The following DLG2 variants were observed in gnomAD, a reference collection of about 807,000 sequenced individuals.
DLG2 encodes discs large MAGUK scaffold protein 2, also known as disks large homolog 2.
DLG2 carries 45 observed loss-of-function variants against 132.5 expected under a neutral mutation model. The ratio of observed to expected loss-of-function variants is 0.34; its 90% CI spans 0.27 to 0.44. DLG2 has a LOEUF of 0.44. Among genes scored for constraint, DLG2 ranks in the 20% least tolerant of loss-of-function variants. The pLI is 1.00. For missense variants in DLG2, 1,045 were observed against 1,196.9 expected, an observed-to-expected ratio of 0.87 and a Z score of 1.87; for synonymous variants, 424 against 419.6, an observed-to-expected ratio of 1.01 and a Z score of -0.13.
intron 3 of DLG2, among the ~76,000 whole-genome samples, chr11:85,476,317 GC>G (rs2093140238): frequency 6.6e-6 from 1 of 150,830 alleles, no homozygotes; most frequent in Non-Finnish European, 1.5e-5. Context: ...TCTGGAAGTT[GC>G]TCTGGGTGAG....
At chr11:85,534,649 C>T (rs1489682426) in intron 3 of DLG2, among the ~76,000 whole-genome samples, 1 of 152,166 alleles carries the variant, frequency 6.6e-6, no homozygotes, top group Non-Finnish European at 1.5e-5. Flanking sequence ...CCTCCAGCTG[C>T]ATCCATGTTG....
intron 6 of DLG2, among the ~76,000 whole-genome samples, chr11:85,070,016 A>C (rs1163753434): frequency 6.6e-6 from 1 of 152,122 alleles, no homozygotes; most frequent in East Asian, 1.9e-4. Context: ...ACATGGATGA[A>C]GCTGGAAACC....
At chr11:84,270,366 T>C (rs2097704462) in intron 7 of DLG2, among the ~76,000 whole-genome samples, 1 of 152,214 alleles carries the variant, frequency 6.6e-6, no homozygotes, top group Non-Finnish European at 1.5e-5. Flanking sequence ...AGATTTTATT[T>C]ACATCTTGTT....
chr11:83,906,095 A>C (rs1324942986), intron 15 of DLG2, among the ~76,000 whole-genome samples: 4 of 88,830 alleles, frequency 4.5e-5, no homozygotes, highest in African/African-American at 2.3e-4. Context: ...ATATATATAT[A>C]TATATATATA....
At chr11:85,402,294 G>A (rs2088216420) in intron 3 of DLG2, among the ~76,000 whole-genome samples, 1 of 152,178 alleles carries the variant, frequency 6.6e-6, no homozygotes, top group South Asian at 2.1e-4. Context: ...GCCATGTGTA[G>A]AAAGCTGAAA....
intron 8 of DLG2, among the ~76,000 whole-genome samples, chr11:84,204,696 A>G (rs763719021): frequency 2.0e-5 from 3 of 152,160 alleles, no homozygotes; most frequent in Admixed American, 6.5e-5. Context: ...CCATTGATAT[A>G]CTTTTTAATT....
chr11:85,462,192 C>T (rs1042604306), intron 3 of DLG2, among the ~76,000 whole-genome samples: 1 of 152,224 alleles, frequency 6.6e-6, no homozygotes, highest in Admixed American at 6.5e-5. Context: ...AACACTTCTA[C>T]ACTGTTGGTG....
At chr11:84,115,915 C>T (rs562202786) in intron 9 of DLG2, among the ~76,000 whole-genome samples, 4 of 152,294 alleles carry the variant, frequency 2.6e-5, no homozygotes, top group African/African-American at 4.8e-5. Flanking sequence ...ACTGTATTCT[C>T]GTTTCTAGAA....
chr11:84,691,281 T>A (rs1249629827), intron 6 of DLG2, among the ~76,000 whole-genome samples: 3 of 151,866 alleles, frequency 2.0e-5, no homozygotes, highest in Non-Finnish European at 4.4e-5. Context: ...CCGGAGGTAG[T>A]GATCTATACC....
chr11:85,472,682 A>C (rs286519), intron 3 of DLG2, among the ~76,000 whole-genome samples: 149,859 of 152,298 alleles, frequency 0.98, 73,734 homozygotes, highest in East Asian at 1. Flanking sequence ...AAATGTGGGA[A>C]AAGAATCTGG....
chr11:85,257,036 G>A (rs576791588), intron 4 of DLG2, among the ~76,000 whole-genome samples: 3 of 152,250 alleles, frequency 2.0e-5, no homozygotes, highest in Middle Eastern at 3.4e-3. Context: ...GTACATGTGA[G>A]CTAAATGTAG....
chr11:85,285,107 T>G, intron 4 of DLG2, 113 bp downstream of exon 4: 1 of 950,420 alleles, frequency 1.1e-6, no homozygotes, highest in Non-Finnish European at 1.6e-6. Flanking sequence ...TATAACTACA[T>G]TTCTATTATT....
intron 7 of DLG2, among the ~76,000 whole-genome samples, chr11:84,507,742 G>C (rs2099245652): frequency 6.6e-6 from 1 of 152,112 alleles, no homozygotes; most frequent in African/African-American, 2.4e-5. Flanking sequence ...TAAGCTTTTT[G>C]CATTTAATTC....
At chr11:84,945,087 A>C (rs954092435) in intron 6 of DLG2, among the ~76,000 whole-genome samples, 3 of 152,160 alleles carry the variant, frequency 2.0e-5, no homozygotes, top group African/African-American at 4.8e-5. Context: ...GATGGTCTTA[A>C]TGCTAGTGGA....
At chr11:85,183,929 G>C (rs2079909228) in intron 4 of DLG2, among the ~76,000 whole-genome samples, 1 of 151,892 alleles carries the variant, frequency 6.6e-6, no homozygotes, top group African/African-American at 2.4e-5. Flanking sequence ...CACTCTATTT[G>C]AATATGTTAT....
At chr11:83,730,788 G>C (rs1458221009) in intron 18 of DLG2, among the ~76,000 whole-genome samples, 1 of 152,142 alleles carries the variant, frequency 6.6e-6, no homozygotes, top group Admixed American at 6.5e-5. Context: ...TACATAAGCT[G>C]AATTTCAAAG....
At chr11:85,621,719 G>A (rs773241872) in intron 2 of DLG2, among the ~76,000 whole-genome samples, 2 of 152,238 alleles carry the variant, frequency 1.3e-5, no homozygotes, top group African/African-American at 2.4e-5. Flanking sequence ...AAACTGGAAT[G>A]AATGAGGAGT....
chr11:85,468,970 G>A (rs931347890), intron 3 of DLG2, among the ~76,000 whole-genome samples: 2 of 151,984 alleles, frequency 1.3e-5, no homozygotes, highest in African/African-American at 4.8e-5. Flanking sequence ...TCAGATTTCT[G>A]ACATAATCTT....
chr11:85,119,331 G>T (rs949834368), intron 5 of DLG2, among the ~76,000 whole-genome samples: 5 of 151,858 alleles, frequency 3.3e-5, no homozygotes, highest in Non-Finnish European at 7.4e-5. Flanking sequence ...GTATTTTATG[G>T]AGGCATGTCC....
Sources: gnomAD v4.1 joint callset for allele counts (sites outside exome capture counted in the v4.1 genomes callset) on GRCh38, gnomAD v4.1.1 for gene constraint, MANE v1.5 for transcripts, NCBI Gene and HGNC (gene_info 2026-07-23, HGNC 2026-07-21) for gene names.